Variants in NBEA observed in about 807,000 individuals in gnomAD.
NBEA encodes neurobeachin.
In NBEA, 44 loss-of-function variants were observed where a neutral mutation model predicts 343.4. The observed-to-expected ratio is 0.13, with a 90% CI of 0.10 to 0.16. The LOEUF (loss-of-function observed/expected upper bound fraction) is 0.16, where lower values mean the gene tolerates loss of function less well. NBEA is among the 10% of genes least tolerant of loss of function. The pLI, the probability that NBEA is intolerant of heterozygous loss-of-function variation, is 1.00. For synonymous variants in NBEA, 1,175 were observed against 1,238.7 expected (o/e 0.95, Z 1.08); for missense variants, 2,555 against 3,631.3 (o/e 0.70, Z 7.62).
At chr13:35,052,836 T>C (rs2048196547) in intron 6 of NBEA, among the ~76,000 whole-genome samples, 1 of 152,040 alleles carries the variant, frequency 6.6e-6, no homozygotes, top group Non-Finnish European at 1.5e-5. Context: ...TATCATATAT[T>C]ATTGTTACAA....
chr13:35,452,508 C>T (rs1018225384), intron 40 of NBEA, among the ~76,000 whole-genome samples: 1 of 152,152 alleles, frequency 6.6e-6, no homozygotes, highest in Admixed American at 6.5e-5. Context: ...ATCAGTTATT[C>T]ACATCTTACG....
intron 39 of NBEA, among the ~76,000 whole-genome samples, chr13:35,451,233 C>T (rs756133762): frequency 2.0e-5 from 3 of 152,140 alleles, no homozygotes; most frequent in Non-Finnish European, 4.4e-5. Context: ...ACGCCATTCT[C>T]CTGCCTGGGC....
At chr13:35,043,817 A>G (rs2062745831) in intron 2 of NBEA, among the ~76,000 whole-genome samples, 1 of 152,006 alleles carries the variant, frequency 6.6e-6, no homozygotes, top group African/African-American at 2.4e-5. Flanking sequence ...GTGATATGAT[A>G]TTGAATAATA....
intron 53 of NBEA, among the ~76,000 whole-genome samples, chr13:35,652,221 G>A (rs1057229012): frequency 6.6e-6 from 1 of 151,832 alleles, no homozygotes; most frequent in Non-Finnish European, 1.5e-5. Flanking sequence ...GGGAGGAATA[G>A]CATTAGGAGA....
chr13:35,621,807 G>A (rs991157366), intron 48 of NBEA, among the ~76,000 whole-genome samples: 1 of 152,090 alleles, frequency 6.6e-6, no homozygotes, highest in African/African-American at 2.4e-5. Context: ...ATTATCCAAT[G>A]ATAGGTTAAG....
intron 1 of NBEA, among the ~76,000 whole-genome samples, chr13:34,969,398 T>C (rs920129722): frequency 6.6e-6 from 1 of 151,994 alleles, no homozygotes; most frequent in Non-Finnish European, 1.5e-5. Context: ...TTTTTAACTT[T>C]TATTTTAAGT....
At chr13:35,514,062 C>G (rs1478220447) in intron 41 of NBEA, among the ~76,000 whole-genome samples, 1 of 151,720 alleles carries the variant, frequency 6.6e-6, no homozygotes, top group Non-Finnish European at 1.5e-5. Flanking sequence ...CCAACAATAA[C>G]ATACTCCTAA....
rs371531534 is a variant in NBEA at position 35,050,440 on chromosome 13, A to C, written c.972+45A>C. 5.8e-5 allele frequency: 91 copies of C among 1,568,024 alleles called. No individual in the cohort carries two copies. The African/African-American group carries it at 1.2e-3, about 20-fold the overall frequency. On this transcript the variant is annotated intron_variant, in intron 6 of 58. Coordinates refer to ENST00000379939, the MANE Select transcript of NBEA (RefSeq NM_001385012.1). ...TTTATAACTCACCTGTTATGACAGA[A>C]TTCTTAACTCTCCTTTTATGAGCTC... is the stretch of plus-strand genomic sequence containing the variant.
intron 36 of NBEA, among the ~76,000 whole-genome samples, chr13:35,330,780 T>C (rs1278122618): frequency 2.0e-5 from 3 of 152,012 alleles, no homozygotes; most frequent in Non-Finnish European, 4.4e-5. Context: ...AGAGAATAGC[T>C]TATCAATTTT....
At chr13:35,544,410 G>C (rs1345318880) in intron 41 of NBEA, among the ~76,000 whole-genome samples, 1 of 151,866 alleles carries the variant, frequency 6.6e-6, no homozygotes, top group Non-Finnish European at 1.5e-5. Context: ...TCCTTAAAAA[G>C]AAAAAAAGGT....
At chr13:35,362,455 T>G (rs1182147676) in intron 38 of NBEA, among the ~76,000 whole-genome samples, 1 of 151,970 alleles carries the variant, frequency 6.6e-6, no homozygotes, top group Non-Finnish European at 1.5e-5. Flanking sequence ...CAGCAATTTT[T>G]ATATAATATA....
chr13:35,515,308 T>G (rs1169908125), intron 41 of NBEA, among the ~76,000 whole-genome samples: 1 of 152,154 alleles, frequency 6.6e-6, no homozygotes, highest in African/African-American at 2.4e-5. Context: ...AATTCCAGAC[T>G]GAGGAGGGGA....
intron 18 of NBEA, among the ~76,000 whole-genome samples, chr13:35,149,622 C>A (rs759492449): frequency 6.6e-6 from 1 of 152,092 alleles, no homozygotes. Context: ...TTCATGAACA[C>A]GTGTTTATGT....
Position 35,645,863 on chromosome 13 carries a change from A to G in NBEA, c.7618-6A>G, listed in dbSNP as rs931252082. ...TCATGTCTCATTCTTTTTTTTCCCC[A>G]TTAAGATTCCAGAAGCTTATTTCAT... On this transcript the variant is annotated splice_polypyrimidine_tract_variant and splice_region_variant and intron_variant, in intron 49 of 58. Transcript: ENST00000379939. The G allele has an allele frequency of 6.5e-7, 1 of 1,549,918 alleles. No individual in the cohort carries two copies. The highest frequency in any genetic ancestry group is 8.8e-7 in the Non-Finnish European group (1 of 1,140,436).
In NBEA at chr13:35,077,692, T is replaced by C. The variant is rs139101466; in HGVS notation, c.1571+6840T>C. Reference sequence around the variant, plus strand: ...CAGTAATTTTCAATGGGTAGAAGAGTTATCTTTCTAAAATACAAATCTAAT... The same window carrying C: ...CAGTAATTTTCAATGGGTAGAAGAGCTATCTTTCTAAAATACAAATCTAAT... On this transcript the variant is annotated intron_variant, in intron 10 of 58. Coordinates refer to ENST00000379939, the MANE Select transcript of NBEA (RefSeq NM_001385012.1). Among the ~76,000 whole-genome samples the C allele has an allele frequency of 6.1e-4, 93 of 152,134 alleles. 1 individual carries two copies. The highest frequency in any genetic ancestry group is 2.0e-3 in the African/African-American group (85 of 41,504).
chr13:35,436,733 T>C (rs1057093965), intron 39 of NBEA, among the ~76,000 whole-genome samples: 1 of 151,292 alleles, frequency 6.6e-6, no homozygotes, highest in African/African-American at 2.4e-5. Flanking sequence ...AAAAATCTGC[T>C]TTGAAAGTTA....
At chr13:35,029,181 T>C (rs1053782007) in intron 1 of NBEA, among the ~76,000 whole-genome samples, 7 of 151,550 alleles carry the variant, frequency 4.6e-5, no homozygotes, top group Non-Finnish European at 8.9e-5. Flanking sequence ...TTATGTGTTA[T>C]ATATGATATA....
intron 30 of NBEA, among the ~76,000 whole-genome samples, chr13:35,187,658 TC>T (rs2071816880): frequency 6.6e-6 from 1 of 152,018 alleles, no homozygotes. Context: ...CTCTTACTGA[TC>T]GTTATTCTTT....
intron 5 of NBEA, among the ~76,000 whole-genome samples, chr13:35,049,304 A>G (rs1045800476): frequency 2.6e-5 from 4 of 151,812 alleles, no homozygotes; most frequent in South Asian, 4.1e-4. Context: ...AAGTGTTTAT[A>G]TATATGATTT....
Sources: gnomAD v4.1 joint callset for allele counts (sites outside exome capture counted in the v4.1 genomes callset) on GRCh38, gnomAD v4.1.1 for gene constraint, MANE v1.5 for transcripts, NCBI Gene and HGNC (gene_info 2026-07-23, HGNC 2026-07-21) for gene names.